The following IPO11 variants were observed in gnomAD, a reference collection of about 807,000 sequenced individuals.
The protein encoded by IPO11 is importin 11, also known as importin-11.
A neutral mutation model predicts 143.2 loss-of-function variants in IPO11; 66 were observed. The ratio of observed to expected loss-of-function variants is 0.46; its 90% confidence interval spans 0.38 to 0.57. IPO11 has a LOEUF of 0.57. Ranked by LOEUF, IPO11 falls within the 20% of genes least tolerant of loss-of-function variation. IPO11 has a pLI of 0.00. For synonymous variants in IPO11, 385 were observed against 377.8 expected (o/e 1.02, Z -0.22); for missense variants, 1,026 against 1,141.0 (o/e 0.90, Z 1.45).
chr5:62,463,175 G>A (rs1262568985), intron 5 of IPO11, among the ~76,000 whole-genome samples: 1 of 152,006 alleles, frequency 6.6e-6, no homozygotes, highest in Non-Finnish European at 1.5e-5. Context: ...GCAAGTAGCC[G>A]AGATTACAGG....
chr5:62,549,451 T>C (rs1263285636), intron 24 of IPO11, among the ~76,000 whole-genome samples: 1 of 152,164 alleles, frequency 6.6e-6, no homozygotes, highest in African/African-American at 2.4e-5. Context: ...TAAATCTCCC[T>C]CCATGCATGG....
At chr5:62,468,762 A>G (rs1745654531) in intron 6 of IPO11, among the ~76,000 whole-genome samples, 1 of 152,154 alleles carries the variant, frequency 6.6e-6, no homozygotes, top group Non-Finnish European at 1.5e-5. Context: ...TTAATACCTC[A>G]CCATCTGAAG....
intron 5 of IPO11, among the ~76,000 whole-genome samples, chr5:62,459,143 G>T (rs1382403402): frequency 6.6e-6 from 1 of 151,852 alleles, no homozygotes; most frequent in Non-Finnish European, 1.5e-5. Flanking sequence ...TTGGATACAT[G>T]AGAACAGTGT....
intron 10 of IPO11, 97 bp from the exon 11 acceptor site, chr5:62,483,913 T>G: frequency 2.0e-6 from 2 of 1,024,398 alleles, no homozygotes; most frequent in Non-Finnish European, 2.9e-6. Flanking sequence ...GTGTATCTTC[T>G]TCCCTGAGAG....
intron 27 of IPO11, among the ~76,000 whole-genome samples, chr5:62,575,382 T>C (rs1744280407): frequency 6.6e-6 from 1 of 152,240 alleles, no homozygotes; most frequent in Admixed American, 6.5e-5. Context: ...CCATGGTCTC[T>C]TACTCCTCAG....
rs1746264366 is a variant in IPO11 at position 62,482,975 on chromosome 5, C to T, written c.829-126C>T. On this transcript the variant is annotated intron_variant, in intron 9 of 29. Coordinates refer to ENST00000325324, the MANE Select transcript of IPO11 (RefSeq NM_016338.5). ...TTATGATAATGTAAAACTGAGTGAA[C>T]ATAGACTCCACACTAAGGTTCAAAC... 9.6e-6 allele frequency: 6 copies of T among 623,192 alleles called. No homozygotes were observed. The Admixed American group carries it at 2.0e-4, about 20-fold the overall frequency. 38.6% of individuals were successfully genotyped at this position (623,192 alleles called of 1,614,324 possible).
intron 28 of IPO11, among the ~76,000 whole-genome samples, chr5:62,600,537 A>G (rs1345141826): frequency 6.6e-6 from 1 of 152,212 alleles, no homozygotes; most frequent in Non-Finnish European, 1.5e-5. Context: ...AAGAAACCCC[A>G]TATTATTATT....
At chr5:62,435,058 A>ATATGTATATG (rs1744123789) in intron 1 of IPO11, among the ~76,000 whole-genome samples, 2 of 110,542 alleles carry the variant, frequency 1.8e-5, no homozygotes, top group African/African-American at 7.5e-5. Context: ...GTGTATATAT[A>ATATGTATATG]TATGTATATA....
At chr5:62,591,712 G>A in intron 28 of IPO11, 40 bp downstream of exon 28, 1 of 1,322,208 alleles carries the variant, frequency 7.6e-7, no homozygotes. Flanking sequence ...GGACTTGGGG[G>A]ATAATTAAAT....
At chr5:62,497,565 C>T (rs981593006) in intron 16 of IPO11, among the ~76,000 whole-genome samples, 2 of 152,076 alleles carry the variant, frequency 1.3e-5, no homozygotes, top group African/African-American at 2.4e-5. Context: ...CACCCGAGGG[C>T]TCAGGCAATT....
At chr5:62,604,512 A>C (rs945911832) in intron 29 of IPO11, among the ~76,000 whole-genome samples, 6 of 152,154 alleles carry the variant, frequency 3.9e-5, no homozygotes, top group Non-Finnish European at 7.3e-5. Context: ...TGCCTGGCCT[A>C]TGTGGTATCT....
intron 1 of IPO11, among the ~76,000 whole-genome samples, chr5:62,423,805 G>T (rs954611889): frequency 6.6e-6 from 1 of 152,038 alleles, no homozygotes; most frequent in South Asian, 2.1e-4. Context: ...ATTTCTTTAA[G>T]TTTTCTAATA....
At chr5:62,424,890 A>T (rs982549388) in intron 1 of IPO11, among the ~76,000 whole-genome samples, 27 of 152,264 alleles carry the variant, frequency 1.8e-4, no homozygotes, top group African/African-American at 5.8e-4. Flanking sequence ...TTATATTTTT[A>T]AAAATTACTT....
intron 24 of IPO11, among the ~76,000 whole-genome samples, chr5:62,547,253 T>C (rs1743235819): frequency 6.6e-6 from 1 of 152,192 alleles, no homozygotes; most frequent in Non-Finnish European, 1.5e-5. Flanking sequence ...TATGTGTATA[T>C]GAATAGTAGA....
chr5:62,627,051 AT>A, intron 29 of IPO11, 102 bp from the exon 30 acceptor site: 1 of 990,456 alleles, frequency 1.0e-6, no homozygotes, highest in Non-Finnish European at 1.5e-6. Flanking sequence ...GGCAGAAGCA[AT>A]TTTGTTACTG....
intron 9 of IPO11, among the ~76,000 whole-genome samples, chr5:62,480,188 C>A (rs965470956): frequency 3.9e-5 from 6 of 152,110 alleles, no homozygotes; most frequent in African/African-American, 1.4e-4. Flanking sequence ...ACCATTTATT[C>A]AATAGGAATC....
intron 25 of IPO11, 29 bp downstream of exon 25, chr5:62,550,491 A>G (rs1327074505): frequency 7.0e-7 from 1 of 1,431,666 alleles, no homozygotes; most frequent in Non-Finnish European, 9.8e-7. Context: ...TTCCAAAGGT[A>G]GTGTTAGACT....
intron 21 of IPO11, among the ~76,000 whole-genome samples, chr5:62,527,801 T>G (rs1742415496): frequency 6.6e-6 from 1 of 152,208 alleles, no homozygotes; most frequent in Admixed American, 6.5e-5. Flanking sequence ...TTGAGTTTCT[T>G]TAAAGAGAGT....
rs527696964 is a variant in IPO11, at chr5:62,513,835, C to T, written c.1783-1553C>T. Among the ~76,000 whole-genome samples the T allele has an allele frequency of 2.8e-3, 407 of 147,060 alleles. 3 individuals are homozygous for T. The highest frequency in any genetic ancestry group is 0.01 in the African/African-American group (392 of 38,952). On this transcript the variant is annotated intron_variant, in intron 19 of 29. Coordinates refer to ENST00000325324, the MANE Select transcript of IPO11 (RefSeq NM_016338.5). ...GCGGAGGGGCTCCTCACTTCTCAGACGGGGCGGTTGCCAGGAGGAGGGTCT... is the reference window on the plus strand; with the variant it reads ...GCGGAGGGGCTCCTCACTTCTCAGATGGGGCGGTTGCCAGGAGGAGGGTCT...
Sources: allele counts gnomAD v4.1 joint callset (sites outside exome capture counted in the v4.1 genomes callset), GRCh38; gene constraint gnomAD v4.1.1; transcripts MANE v1.5; gene names NCBI Gene and HGNC (gene_info 2026-07-23, HGNC 2026-07-21).